PLCE1: variants seen among roughly 807,000 people sequenced by gnomAD.
The protein encoded by PLCE1 is 1-phosphatidylinositol 4,5-bisphosphate phosphodiesterase epsilon-1.
PLCE1 carries 119 observed loss-of-function variants against 242.8 expected under a neutral mutation model. That is an observed-to-expected ratio of 0.49 (90% CI 0.42 to 0.57). PLCE1 has a LOEUF of 0.57. Among genes scored for constraint, PLCE1 ranks in the 20% least tolerant of loss-of-function variants. The pLI is 0.00. For missense variants in PLCE1, 2,441 were observed against 2,788.8 expected (o/e 0.88, Z 2.81); for synonymous variants, 945 against 1,017.4 (o/e 0.93, Z 1.35).
chr10:94,046,913 A>G (rs2061896307), intron 2 of PLCE1, among the ~76,000 whole-genome samples: 1 of 152,184 alleles, frequency 6.6e-6, no homozygotes, highest in Non-Finnish European at 1.5e-5. Context: ...ACACGTTACA[A>G]ATGTTTCAGC....
intron 20 of PLCE1, among the ~76,000 whole-genome samples, chr10:94,282,715 G>A (rs2052285286): frequency 6.6e-6 from 1 of 152,020 alleles, no homozygotes. Context: ...TTTGCTTCAT[G>A]CCTTTGTTTA....
At chr10:94,071,508 T>TTTTTGTTTTTTTGTTTTTTTG in intron 2 of PLCE1, among the ~76,000 whole-genome samples, 1 of 137,514 alleles carries the variant, frequency 7.3e-6, no homozygotes, top group African/African-American at 2.9e-5. Context: ...TTTTTTTTTT[T>TTTTTGTTTTTTTGTTTTTTTG]TTTTTTTTGA....
chr10:94,044,534 A>G (rs2061839845), intron 2 of PLCE1, among the ~76,000 whole-genome samples: 1 of 152,252 alleles, frequency 6.6e-6, no homozygotes, highest in East Asian at 1.9e-4. Flanking sequence ...AAACTTGAAC[A>G]CAGACTTGGC....
intron 22 of PLCE1, among the ~76,000 whole-genome samples, chr10:94,291,490 C>A (rs1002084310): frequency 1.3e-5 from 2 of 152,184 alleles, no homozygotes; most frequent in Non-Finnish European, 1.5e-5. Context: ...CCAGGCTAAC[C>A]ATGTGGATTT....
intron 20 of PLCE1, among the ~76,000 whole-genome samples, chr10:94,281,582 C>G (rs1311684880): frequency 6.6e-6 from 1 of 152,186 alleles, no homozygotes; most frequent in Non-Finnish European, 1.5e-5. Flanking sequence ...ACACCAGGCT[C>G]TGTTCCAGTA....
At position 94,269,051 on chromosome 10, in the gene PLCE1, C is replaced by A; in HGVS notation, c.4389+15C>A. 4 of 1,072,034 alleles carry A rather than the reference C, an allele frequency of 3.7e-6. No individual in the cohort carries two copies. The highest frequency in any genetic ancestry group is 2.2e-4 in the Middle Eastern group (1 of 4,564). 66.4% of individuals were successfully genotyped at this position (1,072,034 alleles called of 1,614,324 possible). ...TCCCCTTCAAGGTAATCCTTCATAACTTTCTTTAAATCAAATCACAAAGAG... is the reference window on the plus strand; with the variant it reads ...TCCCCTTCAAGGTAATCCTTCATAAATTTCTTTAAATCAAATCACAAAGAG... On this transcript the variant is annotated intron_variant, in intron 17 of 32. Transcript: ENST00000371380.
intron 4 of PLCE1, among the ~76,000 whole-genome samples, chr10:94,183,782 A>G (rs1302812035): frequency 6.6e-6 from 1 of 152,102 alleles, no homozygotes; most frequent in Admixed American, 6.5e-5. Context: ...GTGAAACAGG[A>G]GGAGGCACGT....
chr10:94,174,483 T>C (rs1183037987), intron 4 of PLCE1, among the ~76,000 whole-genome samples: 2 of 152,074 alleles, frequency 1.3e-5, no homozygotes, highest in Non-Finnish European at 2.9e-5. Flanking sequence ...TCTCAAAGCA[T>C]CTCTCCACAA....
In PLCE1 at chr10:94,252,433, A is replaced by G. The variant is rs199555701; in HGVS notation, c.3214A>G (p.Asn1072Asp). 1.9e-6 allele frequency: 3 copies of G among 1,614,090 alleles called. No individual in the cohort carries two copies. Among genetic ancestry groups the G allele is most frequent in the Admixed American group, 1.7e-5 (1 of 60,012 alleles). Residue 1072 changes from asparagine (N) to aspartate (D), a missense_variant, in exon 9 of 33, where the codon AAT becomes GAT. Coordinates refer to ENST00000371380, the MANE Select transcript of PLCE1 (RefSeq NM_016341.4). ...GTSAKNAEKP[N>D]MQRNNTLGIS... ...ATCAGCAAAGAATGCTGAGAAGCCC[A>G]ATATGCAGAGAAACAATACCCTGGG...
At chr10:94,299,750 T>G (rs936792945) in intron 24 of PLCE1, among the ~76,000 whole-genome samples, 1 of 152,208 alleles carries the variant, frequency 6.6e-6, no homozygotes, top group Non-Finnish European at 1.5e-5. Flanking sequence ...CAACACCCAT[T>G]GGTGGATGCC....
At chr10:94,202,759 G>C (rs973891473) in intron 4 of PLCE1, among the ~76,000 whole-genome samples, 1 of 152,154 alleles carries the variant, frequency 6.6e-6, no homozygotes, top group African/African-American at 2.4e-5. Context: ...GATTCATCCT[G>C]ACCTAAGTGT....
At chr10:94,243,668 T>C (rs1467455569) in intron 7 of PLCE1, among the ~76,000 whole-genome samples, 1 of 152,174 alleles carries the variant, frequency 6.6e-6, no homozygotes, top group Admixed American at 6.5e-5. Context: ...GCATCCAGGG[T>C]TAGAACATTG....
At chr10:94,230,797 T>G (rs2050117218) in intron 5 of PLCE1, among the ~76,000 whole-genome samples, 1 of 151,860 alleles carries the variant, frequency 6.6e-6, no homozygotes, top group African/African-American at 2.4e-5. Context: ...TTTTTAGAGA[T>G]GGAGTCTTTC....
intron 2 of PLCE1, among the ~76,000 whole-genome samples, chr10:94,069,571 C>A (rs2044294400): frequency 6.6e-6 from 1 of 152,106 alleles, no homozygotes; most frequent in Non-Finnish European, 1.5e-5. Context: ...CGAGAACACA[C>A]CACTGCACTC....
chr10:94,038,309 G>A (rs774262423), intron 2 of PLCE1, among the ~76,000 whole-genome samples: 24 of 152,126 alleles, frequency 1.6e-4, no homozygotes, highest in Non-Finnish European at 2.6e-4. Context: ...CTCAGACAGC[G>A]CCCTCTCTCA....
rs539557726 is a variant in PLCE1, at chr10:94,038,739, CATACAATTCACCCAGTTAAGGT to C, written c.1206+6498_1206+6519del. Among the ~76,000 whole-genome samples the C allele has an allele frequency of 1.4e-4, 21 of 152,136 alleles. No individual in the cohort carries two copies. The East Asian group carries it at 4.1e-3, about 29-fold the overall frequency. On this transcript the variant is annotated intron_variant, in intron 2 of 32. Transcript: ENST00000371380. Reference sequence around the variant, plus strand: ...CTTTATTGATGTATAATTCACATACCATACAATTCACCCAGTTAAGGTATACAATTCAGTGGTTTTAAATATG... The same window carrying C: ...CTTTATTGATGTATAATTCACATACCATACAATTCAGTGGTTTTAAATATG...
intron 10 of PLCE1, among the ~76,000 whole-genome samples, 182 bp from the exon 11 acceptor site, chr10:94,254,711 T>C (rs916448508): frequency 1.3e-5 from 2 of 152,210 alleles, no homozygotes; most frequent in Non-Finnish European, 2.9e-5. Flanking sequence ...AGTTCTAACA[T>C]GTAGCCAGTT....
intron 4 of PLCE1, among the ~76,000 whole-genome samples, chr10:94,183,775 A>G (rs1380593564): frequency 1.3e-5 from 2 of 152,132 alleles, no homozygotes; most frequent in Non-Finnish European, 2.9e-5. Flanking sequence ...GCGGGAGGTG[A>G]AACAGGAGGA....
At chr10:94,315,072 A>C (rs1364517310) in intron 28 of PLCE1, 1 of 233,870 alleles carries the variant, frequency 4.3e-6, no homozygotes, top group Admixed American at 5.2e-5. Context: ...AGCAGGACTG[A>C]GCAGGGGGTG....
Sources: gnomAD v4.1 joint callset for allele counts (sites outside exome capture counted in the v4.1 genomes callset) on GRCh38, gnomAD v4.1.1 for gene constraint, MANE v1.5 for transcripts, NCBI Gene and HGNC (gene_info 2026-07-23, HGNC 2026-07-21) for gene names.